The following KCNN1 variants were observed in gnomAD, a reference collection of about 807,000 sequenced individuals.
The protein encoded by KCNN1 is small conductance calcium-activated potassium channel protein 1.
A neutral mutation model predicts 44.7 loss-of-function variants in KCNN1; 20 were observed. The observed-to-expected ratio is 0.45, with a 90% CI of 0.32 to 0.65. The LOEUF (loss-of-function observed/expected upper bound fraction) is 0.65, where lower values mean the gene tolerates loss of function less well. Ranked by LOEUF, KCNN1 falls within the 30% of genes least tolerant of loss-of-function variation. KCNN1 has a pLI of 0.05. For missense variants in KCNN1, 632 were observed against 785.3 expected (o/e 0.80, Z 2.33); for synonymous variants, 324 against 341.7 (o/e 0.95, Z 0.57).
At position 17,999,800 on chromosome 19, in the gene KCNN1, C is replaced by G; in HGVS notation, c.*1394C>G. 5.7e-6 allele frequency: 2 copies of G among 352,756 alleles called. No individual in the cohort carries two copies. Among genetic ancestry groups the G allele is most frequent in the Non-Finnish European group, 1.1e-5 (2 of 174,636 alleles). 21.9% of individuals were successfully genotyped at this position (352,756 alleles called of 1,614,324 possible). Reference sequence around the variant, plus strand: ...AGGTCCTGGCAGCCTCTGATAAGGCCATCCATCGCCTGGCTCAACGAGATA... The same window carrying G: ...AGGTCCTGGCAGCCTCTGATAAGGCGATCCATCGCCTGGCTCAACGAGATA... On this transcript the variant is annotated 3_prime_UTR_variant, in exon 10 of 10. Coordinates refer to ENST00000684775, the MANE Select transcript of KCNN1 (RefSeq NM_001386974.1).
chr19:17,970,059 G>A (rs1357613362), intron 1 of KCNN1, among the ~76,000 whole-genome samples: 1 of 152,236 alleles, frequency 6.6e-6, no homozygotes. Flanking sequence ...CTTATAGACT[G>A]TGAAGTGCTG....
intron 1 of KCNN1, among the ~76,000 whole-genome samples, chr19:17,969,959 AG>A (rs1180865766): frequency 6.6e-6 from 1 of 152,248 alleles, no homozygotes; most frequent in East Asian, 1.9e-4. Context: ...TCGGAGCAGA[AG>A]GCCCACCTAA....
At chr19:17,963,129 G>A (rs966573564), upstream of KCNN1, among the ~76,000 whole-genome samples, 8 of 144,504 alleles carry the variant, frequency 5.5e-5, no homozygotes, top group South Asian at 4.6e-4. Context: ...TGCCTCAGCC[G>A]CCAGAGTAGT....
chr19:17,974,749 C>T lies in KCNN1; in HGVS notation c.403-343C>T, dbSNP rs374172575. Reference sequence around the variant, plus strand: ...TGAAGTGCCGAGGCTGGATGAGGTCCGGCCTTGTGAACTGTGAAGTGCTGT... The same window carrying T: ...TGAAGTGCCGAGGCTGGATGAGGTCTGGCCTTGTGAACTGTGAAGTGCTGT... On this transcript the variant is annotated intron_variant, in intron 2 of 9. Transcript: ENST00000684775. The surrounding 1 kb of genome is among the most constrained non-coding windows in gnomAD (Gnocchi z 7.3). 3.9e-5 allele frequency among the ~76,000 whole-genome samples: 6 copies of T among 152,178 alleles called. No individual in the cohort carries two copies. Among genetic ancestry groups the T allele is most frequent in the East Asian group, 1.9e-4 (1 of 5,198 alleles).
chr19:17,981,668 G>A (rs759310325), intron 3 of KCNN1, 41 bp from the exon 4 acceptor site: 12 of 1,528,672 alleles, frequency 7.8e-6, no homozygotes, highest in African/African-American at 5.5e-5. Context: ...AGCGCGGCGC[G>A]TGTCTGACAC....
chr19:17,977,523 C>A (rs2032246453), intron 3 of KCNN1, among the ~76,000 whole-genome samples: 2 of 151,634 alleles, frequency 1.3e-5, no homozygotes, highest in South Asian at 4.2e-4. Flanking sequence ...AAATTTTTTG[C>A]TTTTTTTGTA....
chr19:17,993,576 A>C lies in KCNN1; in HGVS notation c.1377+17A>C, dbSNP rs766660515. On this transcript the variant is annotated intron_variant, in intron 9 of 9. Transcript: ENST00000684775. The surrounding 1 kb of genome is among the most constrained non-coding windows in gnomAD (Gnocchi z 4.5). ...CTAGCCAAGGTGAGTGGGTTGGGGC[A>C]GGGTGGGCCAGACAGGGCAGGTGGG... 9 of 1,604,458 alleles carry C rather than the reference A, an allele frequency of 5.6e-6. No homozygotes were observed. The highest frequency in any genetic ancestry group is 1.3e-5 in the African/African-American group (1 of 74,766).
chr19:17,966,107 C>T (rs1168590458), upstream of KCNN1, among the ~76,000 whole-genome samples: 6 of 151,046 alleles, frequency 4.0e-5, no homozygotes, highest in African/African-American at 9.8e-5. Context: ...TTCTGAGCTC[C>T]GCAGAGGAAA....
At chr19:17,953,293 C>G (rs1037576156) in intron 1 of KCNN1, among the ~76,000 whole-genome samples, 1 of 152,164 alleles carries the variant, frequency 6.6e-6, no homozygotes, top group Admixed American at 6.5e-5. Context: ...ATTTTTACTC[C>G]GACGCAGCAA....
chr19:17,981,840 G>T lies in KCNN1; in HGVS notation c.630G>T (p.Thr210=). ...CCGGCCACTACCGCTTCACGTGGAC[G>T]GCGCGGCTGGCCTTCACGTACGCGC... ...PVPGHYRFTW[T]ARLAFTYAPS... Residue 210 remains threonine, a synonymous_variant, in exon 4 of 10, where the codon ACG becomes ACT. Coordinates refer to ENST00000684775, the MANE Select transcript of KCNN1 (RefSeq NM_001386974.1). 6.2e-7 allele frequency: 1 copy of T among 1,612,702 alleles called. No individual in the cohort carries two copies. Among genetic ancestry groups the T allele is most frequent in the Non-Finnish European group, 8.5e-7 (1 of 1,179,348 alleles).
chr19:17,998,328 CG>C lies in KCNN1; in HGVS notation c.1556del (p.Gly519AlafsTer61). 6.5e-7 allele frequency: 1 copy of C among 1,533,688 alleles called. No individual in the cohort carries two copies. The highest frequency in any genetic ancestry group is 8.7e-7 in the Non-Finnish European group (1 of 1,145,600). ...PPPPPLPPRP[G>X]PGPQDQAARS... is the part of the protein sequence containing the mutation. Reference sequence around the variant, plus strand: ...CCCCGCCTCCCCTGCCTCCCAGGCCCGGCCCCGGCCCCCAAGACCAGGCAGC... The same window carrying C: ...CCCCGCCTCCCCTGCCTCCCAGGCCCGCCCCGGCCCCCAAGACCAGGCAGC... On this transcript the variant is annotated frameshift_variant, in exon 10 of 10. Transcript: ENST00000684775. LOFTEE classifies it low-confidence loss of function (END_TRUNC). This position sits in a 1 kb window ranked among gnomAD's most constrained non-coding sequence, Gnocchi z 5.4.
At chr19:17,978,653 A>T (rs1270576416) in intron 3 of KCNN1, among the ~76,000 whole-genome samples, 1 of 150,274 alleles carries the variant, frequency 6.7e-6, no homozygotes, top group Non-Finnish European at 1.5e-5. Flanking sequence ...GGATTTTCCT[A>T]TGTTGCCCAG....
chr19:17,962,417 G>A (rs1297461478), upstream of KCNN1, among the ~76,000 whole-genome samples: 1 of 152,134 alleles, frequency 6.6e-6, no homozygotes, highest in Non-Finnish European at 1.5e-5. Flanking sequence ...TGTCTGCAGG[G>A]CCCTTGTGTA....
At chr19:17,966,023 GCCTTCCTT>G (rs762937340), upstream of KCNN1, among the ~76,000 whole-genome samples, 28,447 of 117,652 alleles carry the variant, frequency 0.24, 3,279 homozygotes, top group Non-Finnish European at 0.26. Context: ...CTGCCTGCCT[GCCTTCCTT>G]CCTTCCTTCC....
In KCNN1 at chr19:17,998,187, G is replaced by A; in HGVS notation, c.1413G>A (p.Leu471=). The A allele has an allele frequency of 6.3e-7, 1 of 1,598,176 alleles. No individual in the cohort carries two copies. The highest frequency in any genetic ancestry group is 1.7e-5 in the Admixed American group (1 of 58,086). The part of the protein sequence containing the change: ...QTVMYDLVSE[L]HAQHEELEAR... Reference sequence around the variant, plus strand: ...TCATGTACGACCTTGTATCGGAGCTGCACGCTCAGCACGAGGAGCTGGAGG... The same window carrying A: ...TCATGTACGACCTTGTATCGGAGCTACACGCTCAGCACGAGGAGCTGGAGG... The change falls in exon 10 of 10, where the codon CTG becomes CTA. Residue 471 remains leucine, a synonymous_variant. Coordinates refer to ENST00000684775, the MANE Select transcript of KCNN1 (RefSeq NM_001386974.1). This position sits in a 1 kb window ranked among gnomAD's most constrained non-coding sequence, Gnocchi z 5.4.
Position 17,974,768 on chromosome 19 carries a change from G to C in KCNN1, c.403-324G>C, listed in dbSNP as rs751438518. Among the ~76,000 whole-genome samples the C allele has an allele frequency of 6.6e-6, 1 of 152,218 alleles. No homozygotes were observed. The highest frequency in any genetic ancestry group is 1.5e-5 in the Non-Finnish European group (1 of 68,034). On this transcript the variant is annotated intron_variant, in intron 2 of 9. Transcript: ENST00000684775. This position sits in a 1 kb window ranked among gnomAD's most constrained non-coding sequence, Gnocchi z 7.3. Reference sequence around the variant, plus strand: ...GAGGTCCGGCCTTGTGAACTGTGAAGTGCTGTGCCCAAGTGAGGCCAGGCC... The same window carrying C: ...GAGGTCCGGCCTTGTGAACTGTGAACTGCTGTGCCCAAGTGAGGCCAGGCC...
upstream of KCNN1, among the ~76,000 whole-genome samples, chr19:17,965,883 G>A (rs79257304): frequency 5.6e-3 from 850 of 152,210 alleles, 6 homozygotes; most frequent in African/African-American, 0.019. Flanking sequence ...CTGGGATGAG[G>A]AACGGGCTCT....
rs1056384459 is a variant in KCNN1, at chr19:17,998,408, G to A, written c.*2G>A. On this transcript the variant is annotated 3_prime_UTR_variant, in exon 10 of 10. Transcript: ENST00000684775. This position sits in a 1 kb window ranked among gnomAD's most constrained non-coding sequence, Gnocchi z 5.4. The stretch of plus-strand genomic sequence containing the variant: ...GTGGCCCCCTCGGACTGCGGGTGAC[G>A]GCCCTGCCCGCCACCAGACCCCTAA... 6.1e-6 allele frequency: 9 copies of A among 1,467,278 alleles called. No homozygotes were observed. Among genetic ancestry groups the A allele is most frequent in the African/African-American group, 4.2e-5 (3 of 70,834 alleles). The allele number at this position is 1,467,278 out of a possible 1,614,324, so 90.9% of individuals were successfully genotyped here.
chr19:17,984,874 C>T (rs1303877456), intron 4 of KCNN1, among the ~76,000 whole-genome samples: 1 of 152,082 alleles, frequency 6.6e-6, no homozygotes. Flanking sequence ...CTTCTTCACT[C>T]GAGCCCCAGG....
Sources: gnomAD v4.1 joint callset for allele counts (sites outside exome capture counted in the v4.1 genomes callset) on GRCh38, gnomAD v4.1.1 for gene constraint, Gnocchi (gnomAD v3.1) non-coding constraint, MANE v1.5 for transcripts, NCBI Gene and HGNC (gene_info 2026-07-23, HGNC 2026-07-21) for gene names.